SRPK2: variants seen among roughly 807,000 people sequenced by gnomAD.
SRPK2 encodes the protein SFRS protein kinase 2.
A neutral mutation model predicts 90.8 loss-of-function variants in SRPK2; 21 were observed. The ratio of observed to expected loss-of-function variants is 0.23; its 90% CI spans 0.16 to 0.33. The LOEUF (loss-of-function observed/expected upper bound fraction) is 0.33. SRPK2 is among the 10% of genes least tolerant of loss of function. SRPK2 has a pLI of 1.00. For missense variants in SRPK2, 620 were observed against 869.0 expected (o/e 0.71, Z 3.60); for synonymous variants, 288 against 311.1 (o/e 0.93, Z 0.78).
At chr7:105,174,368 A>G (rs1791567427) in intron 3 of SRPK2, among the ~76,000 whole-genome samples, 1 of 152,228 alleles carries the variant, frequency 6.6e-6, no homozygotes, top group Non-Finnish European at 1.5e-5. Context: ...CCAGAAGTTC[A>G]GAACTCCATG....
chr7:105,361,287 AAGG>A (rs1184971357), intron 2 of SRPK2, among the ~76,000 whole-genome samples: 6 of 152,212 alleles, frequency 3.9e-5, no homozygotes, highest in South Asian at 2.1e-4. Flanking sequence ...GGACCTCTTC[AAGG>A]AGAACTACAA....
intron 3 of SRPK2, among the ~76,000 whole-genome samples, chr7:105,173,191 TTAC>T (rs1438920551): frequency 1.3e-5 from 2 of 152,060 alleles, no homozygotes; most frequent in African/African-American, 4.8e-5. Flanking sequence ...CGAACAGGGC[TTAC>T]TACATCCTTG....
intron 2 of SRPK2, among the ~76,000 whole-genome samples, chr7:105,209,502 C>G (rs1286989947): frequency 6.6e-6 from 1 of 151,618 alleles, no homozygotes; most frequent in African/African-American, 2.4e-5. Flanking sequence ...CATAGCACTG[C>G]ACTCCAGCCT....
intron 15 of SRPK2, among the ~76,000 whole-genome samples, chr7:105,121,108 G>A (rs1800282454): frequency 6.6e-6 from 1 of 152,196 alleles, no homozygotes; most frequent in African/African-American, 2.4e-5. Context: ...AGCACTCTGG[G>A]AGGCCAAGGC....
chr7:105,283,090 G>C (rs1326536336), intron 2 of SRPK2, among the ~76,000 whole-genome samples: 1 of 152,160 alleles, frequency 6.6e-6, no homozygotes, highest in Non-Finnish European at 1.5e-5. Flanking sequence ...CAAAGTAACA[G>C]TGAAATACCA....
Position 105,238,379 on chromosome 7 carries a change from T to G in SRPK2, c.72-34594A>C, listed in dbSNP as rs115822248. On this transcript the variant is annotated intron_variant, in intron 2 of 15. Transcript: ENST00000393651. ...AGCCTCAGGAGGTACAGTCTGTCCT[T>G]ACTCCCAGGCAGCCAAGGCAGAGGC... 3.8e-3 allele frequency among the ~76,000 whole-genome samples: 578 copies of G among 152,340 alleles called. 3 individuals are homozygous for G. Among genetic ancestry groups the G allele is most frequent in the African/African-American group, 0.013 (544 of 41,570 alleles).
intron 2 of SRPK2, among the ~76,000 whole-genome samples, chr7:105,241,463 T>C (rs1800808756): frequency 6.6e-6 from 1 of 152,132 alleles, no homozygotes; most frequent in Non-Finnish European, 1.5e-5. Flanking sequence ...CCTCATACCA[T>C]CCACCCCTCT....
chr7:105,161,361 C>T (rs747589415), intron 6 of SRPK2, among the ~76,000 whole-genome samples: 42 of 152,286 alleles, frequency 2.8e-4, no homozygotes, highest in Non-Finnish European at 4.6e-4. Context: ...TTTCATCCAA[C>T]GTTTATTAAA....
chr7:105,301,897 T>C, intron 2 of SRPK2: 1 of 1,603,008 alleles, frequency 6.2e-7, no homozygotes, highest in Non-Finnish European at 8.5e-7. Flanking sequence ...CGATAAGCAA[T>C]ATCATCTCAA....
At chr7:105,338,797 GTTTAT>G in intron 2 of SRPK2, among the ~76,000 whole-genome samples, 1 of 152,104 alleles carries the variant, frequency 6.6e-6, no homozygotes, top group Non-Finnish European at 1.5e-5. Flanking sequence ...GTTTGGAACT[GTTTAT>G]TTTGACCCTT....
chr7:105,203,791 A>G lies in SRPK2; in HGVS notation c.72-6T>C, dbSNP rs780960657. 2.6e-5 allele frequency: 41 copies of G among 1,565,272 alleles called. No individual in the cohort carries two copies. Among genetic ancestry groups the G allele is most frequent in the Non-Finnish European group, 3.6e-5 (41 of 1,154,570 alleles). On this transcript the variant is annotated splice_region_variant and splice_polypyrimidine_tract_variant and intron_variant, in intron 2 of 15. Transcript: ENST00000393651. ...CTTTCTGTTGAGGCTCCGGCCTGAA[A>G]GAGCAGAGAGAAAATTGCTATTTAC...
In SRPK2 at chr7:105,369,207, C is replaced by T. The variant is rs552816305; in HGVS notation, c.71+19441G>A. Reference sequence around the variant, plus strand: ...TGTTGCCCAGGCTGCAGTGAAATGGCACAATCTCAGCTCACTGCCACCTCC... The same window carrying T: ...TGTTGCCCAGGCTGCAGTGAAATGGTACAATCTCAGCTCACTGCCACCTCC... On this transcript the variant is annotated intron_variant, in intron 2 of 15. Coordinates refer to ENST00000393651, the MANE Select transcript of SRPK2 (RefSeq NM_182692.3). Among the ~76,000 whole-genome samples, 220 of 151,798 alleles carry T rather than the reference C, an allele frequency of 1.4e-3. 2 individuals are homozygous for T. The highest frequency in any genetic ancestry group is 5.2e-3 in the African/African-American group (215 of 41,404).
At chr7:105,325,806 A>G (rs937359602) in intron 2 of SRPK2, among the ~76,000 whole-genome samples, 1 of 152,186 alleles carries the variant, frequency 6.6e-6, no homozygotes, top group African/African-American at 2.4e-5. Flanking sequence ...GTGAGCCTAG[A>G]TCGCACAACT....
rs185314279 is a variant in SRPK2, at chr7:105,181,501, G to T, written c.230-12236C>A. ...ACAGTAGACTGGATAAAGAAACCGT[G>T]GTACACATATACCATGGAATACTAT... On this transcript the variant is annotated intron_variant, in intron 3 of 15. Coordinates refer to ENST00000393651, the MANE Select transcript of SRPK2 (RefSeq NM_182692.3). Among the ~76,000 whole-genome samples the T allele has an allele frequency of 9.9e-5, 15 of 152,136 alleles. No homozygotes were observed. In the East Asian group the frequency reaches 2.9e-3, roughly 29 times the overall value.
chr7:105,303,931 G>C (rs932345868), intron 2 of SRPK2, among the ~76,000 whole-genome samples: 1 of 152,084 alleles, frequency 6.6e-6, no homozygotes, highest in African/African-American at 2.4e-5. Flanking sequence ...TGGATCTTTT[G>C]TTAACAGCTG....
intron 7 of SRPK2, among the ~76,000 whole-genome samples, chr7:105,147,198 AT>A (rs1241596205): frequency 6.6e-6 from 1 of 152,228 alleles, no homozygotes; most frequent in Non-Finnish European, 1.5e-5. Context: ...TCATGTGATC[AT>A]TAAGGATTCT....
At chr7:105,134,855 T>C (rs1218980260) in intron 11 of SRPK2, among the ~76,000 whole-genome samples, 2 of 152,226 alleles carry the variant, frequency 1.3e-5, no homozygotes, top group Non-Finnish European at 2.9e-5. Flanking sequence ...CAGGTACAGA[T>C]ATTCCCTGCT....
chr7:105,209,959 A>T (rs1053706814), intron 2 of SRPK2, among the ~76,000 whole-genome samples: 2 of 152,178 alleles, frequency 1.3e-5, no homozygotes, highest in African/African-American at 4.8e-5. Context: ...TAATACTAAA[A>T]TTATCATCAT....
At chr7:105,148,657 T>C (rs1805025111) in intron 7 of SRPK2, among the ~76,000 whole-genome samples, 1 of 152,186 alleles carries the variant, frequency 6.6e-6, no homozygotes, top group Admixed American at 6.5e-5. Context: ...AAAAGAGAGA[T>C]CCGACTGTTA....
Sources: allele counts gnomAD v4.1 joint callset (sites outside exome capture counted in the v4.1 genomes callset), GRCh38; gene constraint gnomAD v4.1.1; transcripts MANE v1.5; gene names NCBI Gene and HGNC (gene_info 2026-07-23, HGNC 2026-07-21).